ARHGEF3: variants seen among roughly 807,000 people sequenced by gnomAD.
The protein encoded by ARHGEF3 is Rho guanine nucleotide exchange factor 3.
ARHGEF3 carries 28 observed loss-of-function variants against 63.2 expected under a neutral mutation model. That is an observed-to-expected ratio of 0.44 (90% CI 0.33 to 0.61). The LOEUF is 0.61. Ranked by LOEUF, ARHGEF3 falls within the 20% of genes least tolerant of loss-of-function variation. ARHGEF3 has a pLI of 0.03. For missense variants in ARHGEF3, 533 were observed against 659.3 expected (o/e 0.81, Z 2.10); for synonymous variants, 266 against 254.2 (o/e 1.05, Z -0.44).
chr3:56,988,578 A>T (rs1054200690), intron 2 of ARHGEF3, among the ~76,000 whole-genome samples: 2 of 152,224 alleles, frequency 1.3e-5, no homozygotes, highest in African/African-American at 4.8e-5. Context: ...GGAAGAATCC[A>T]CAGGAAAGAA....
chr3:56,899,955 C>A (rs1033812210), intron 3 of ARHGEF3, among the ~76,000 whole-genome samples: 3 of 152,186 alleles, frequency 2.0e-5, no homozygotes, highest in Non-Finnish European at 4.4e-5. Flanking sequence ...AGTGCTTGGG[C>A]GACCCAAAAG....
chr3:57,021,150 C>A (rs1368564217), intron 2 of ARHGEF3, among the ~76,000 whole-genome samples: 3 of 152,164 alleles, frequency 2.0e-5, no homozygotes, highest in Non-Finnish European at 2.9e-5. Flanking sequence ...CAAACATAGA[C>A]ACCTGTGGTT....
chr3:57,002,489 A>G (rs1189284796), intron 2 of ARHGEF3, among the ~76,000 whole-genome samples: 1 of 41,822 alleles, frequency 2.4e-5, no homozygotes, highest in African/African-American at 9.7e-5. Flanking sequence ...TTATATATAT[A>G]TATATATGTT....
At chr3:57,038,332 C>T (rs750745494) in intron 1 of ARHGEF3, among the ~76,000 whole-genome samples, 44 of 152,144 alleles carry the variant, frequency 2.9e-4, no homozygotes, top group Non-Finnish European at 5.1e-4. Context: ...TTGGGTTGAT[C>T]GTGAGCTTAA....
intron 4 of ARHGEF3, among the ~76,000 whole-genome samples, chr3:56,837,015 A>G (rs2039135892): frequency 6.6e-6 from 1 of 152,226 alleles, no homozygotes; most frequent in Non-Finnish European, 1.5e-5. Flanking sequence ...ACCCTCTTCC[A>G]GAAGACCCAT....
At chr3:56,889,995 G>A (rs922311355) in intron 3 of ARHGEF3, among the ~76,000 whole-genome samples, 20 of 152,232 alleles carry the variant, frequency 1.3e-4, no homozygotes, top group African/African-American at 4.6e-4. Flanking sequence ...CCAGGAGGCA[G>A]AGGCTGCAGT....
chr3:56,952,180 T>A (rs1304604894), intron 3 of ARHGEF3, among the ~76,000 whole-genome samples: 1 of 151,994 alleles, frequency 6.6e-6, no homozygotes, highest in Non-Finnish European at 1.5e-5. Flanking sequence ...GGAATTTGGC[T>A]CTTCCTCAAG....
chr3:57,035,880 C>T (rs1167090435), intron 1 of ARHGEF3, among the ~76,000 whole-genome samples: 2 of 152,218 alleles, frequency 1.3e-5, no homozygotes, highest in Non-Finnish European at 2.9e-5. Context: ...TCTAGCACAG[C>T]CACCCCTGTC....
intron 1 of ARHGEF3, among the ~76,000 whole-genome samples, chr3:57,069,496 G>C (rs1489181713): frequency 6.6e-6 from 1 of 151,956 alleles, no homozygotes; most frequent in African/African-American, 2.4e-5. Flanking sequence ...TTCCCAGGTT[G>C]TTCTTTAAGT....
At chr3:56,856,628 A>G (rs796490893) in intron 4 of ARHGEF3, among the ~76,000 whole-genome samples, 46 of 147,230 alleles carry the variant, frequency 3.1e-4, no homozygotes, top group African/African-American at 1.1e-3. Flanking sequence ...GCCCTTCTAC[A>G]GCCCTTCATT....
At position 56,989,872 on chromosome 3, in the gene ARHGEF3, G is replaced by C. The variant is rs141910374; in HGVS notation, c.63-30983C>G. On this transcript the variant is annotated intron_variant, in intron 2 of 12. Transcript: ENST00000338458. ...TGCAAGATGTCCCCATTGTGAACTT[G>C]ACTTTCCTCCTCTGGAACAATAATG... Among the ~76,000 whole-genome samples the C allele has an allele frequency of 1.7e-3, 257 of 152,262 alleles. 1 individual carries two copies. The highest frequency in any genetic ancestry group is 2.8e-3 in the Non-Finnish European group (192 of 68,020).
At chr3:56,822,499 C>T (rs116382629) in intron 4 of ARHGEF3, among the ~76,000 whole-genome samples, 1,846 of 152,174 alleles carry the variant, frequency 0.012, 45 homozygotes, top group African/African-American at 0.042. Context: ...TATGAGGGCA[C>T]CTATATGTAT....
chr3:56,828,820 C>CT (rs2038827875), intron 4 of ARHGEF3, among the ~76,000 whole-genome samples: 1 of 152,088 alleles, frequency 6.6e-6, no homozygotes, highest in African/African-American at 2.4e-5. Context: ...ACTGGTCTTC[C>CT]TTTTTGTTAC....
Position 56,737,279 on chromosome 3 carries a change from C to A in ARHGEF3, c.947G>T (p.Arg316Leu). Residue 316 changes from arginine (R) to leucine (L), a missense_variant, in exon 8 of 10, where the codon CGG becomes CTG. This residue lies in a region of ARHGEF3 where 151 missense variants were observed against 190.7 expected (regional missense o/e 0.79). Coordinates refer to ENST00000296315, the MANE Select transcript of ARHGEF3 (RefSeq NM_019555.3). ...GESECRYYKE[R>L]LLYLEEGQKD... ...CTGGCCTTCTTCCAAGTAAAGAAGCCGCTCTTTATAATAGCGGCATTCAGA... is the reference window on the plus strand; with the variant it reads ...CTGGCCTTCTTCCAAGTAAAGAAGCAGCTCTTTATAATAGCGGCATTCAGA... 6.2e-7 allele frequency: 1 copy of A among 1,613,584 alleles called. No individual in the cohort carries two copies. The highest frequency in any genetic ancestry group is 8.5e-7 in the Non-Finnish European group (1 of 1,179,624).
At chr3:56,952,131 A>C (rs536269006) in intron 3 of ARHGEF3, among the ~76,000 whole-genome samples, 1 of 152,162 alleles carries the variant, frequency 6.6e-6, no homozygotes, top group Admixed American at 6.5e-5. Flanking sequence ...GAGAGAGATC[A>C]TCTGAGTGGG....
intron 3 of ARHGEF3, among the ~76,000 whole-genome samples, chr3:56,944,254 G>A (rs1699346077): frequency 6.6e-6 from 1 of 152,204 alleles, no homozygotes; most frequent in Admixed American, 6.5e-5. Context: ...TCTGGTGGCT[G>A]TGGGCAAAGT....
chr3:56,741,407 C>A (rs1435378941), intron 7 of ARHGEF3, among the ~76,000 whole-genome samples: 1 of 151,128 alleles, frequency 6.6e-6, no homozygotes, highest in Non-Finnish European at 1.5e-5. Context: ...TGGTCTCGAA[C>A]TCCTGACCTC....
chr3:56,868,680 A>T (rs2040337272), intron 4 of ARHGEF3, among the ~76,000 whole-genome samples: 1 of 152,184 alleles, frequency 6.6e-6, no homozygotes, highest in South Asian at 2.1e-4. Flanking sequence ...AGGATATTCT[A>T]AGAGAGAAAA....
chr3:56,741,184 CTTTT>C (rs10662620), intron 7 of ARHGEF3, among the ~76,000 whole-genome samples: 1 of 128,866 alleles, frequency 7.8e-6, no homozygotes, highest in South Asian at 2.4e-4. Context: ...TGCTTTGGTT[CTTTT>C]TTTTTTTTTT....
Sources: allele counts gnomAD v4.1 joint callset (sites outside exome capture counted in the v4.1 genomes callset), GRCh38; gene constraint gnomAD v4.1.1; regional missense constraint gnomAD v4.1.1; transcripts MANE v1.5; gene names NCBI Gene and HGNC (gene_info 2026-07-23, HGNC 2026-07-21).